OTOGL: variants seen among roughly 807,000 people sequenced by gnomAD.
OTOGL encodes otogelin-like protein.
In OTOGL, 285 loss-of-function variants were observed where a neutral mutation model predicts 318.5. The observed-to-expected ratio is 0.89, with a 90% CI of 0.81 to 0.99. The LOEUF (loss-of-function observed/expected upper bound fraction) is 0.99. Ranked by LOEUF, OTOGL falls within the 50% of genes least tolerant of loss-of-function variation. The probability of loss-of-function intolerance (pLI) is 0.00; values close to 1 mark genes in which losing one functional copy is unlikely to be tolerated. For synonymous variants in OTOGL, 987 were observed against 936.5 expected, an observed-to-expected ratio of 1.05 and a Z score of -0.99; for missense variants, 2,899 against 2,845.6, an observed-to-expected ratio of 1.02 and a Z score of -0.43.
intron 22 of OTOGL, among the ~76,000 whole-genome samples, chr12:80,268,639 C>A (rs924778235): frequency 6.6e-6 from 1 of 152,116 alleles, no homozygotes; most frequent in Non-Finnish European, 1.5e-5. Context: ...CTCCAGGAAT[C>A]ATTTTCGACT....
At chr12:80,109,046 C>T (rs1869673375) in intron 1 of OTOGL, among the ~76,000 whole-genome samples, 2 of 150,618 alleles carry the variant, frequency 1.3e-5, no homozygotes, top group East Asian at 1.9e-4. Flanking sequence ...CTTTCTGACT[C>T]GTCTCCAGTC....
At chr12:80,320,742 T>C (rs760473139) in intron 34 of OTOGL, 42 bp downstream of exon 34, 1 of 1,484,710 alleles carries the variant, frequency 6.7e-7, no homozygotes, top group South Asian at 1.4e-5. Flanking sequence ...AAATAGGTAA[T>C]TTATATTAGG....
intron 1 of OTOGL, among the ~76,000 whole-genome samples, chr12:80,163,057 A>C (rs10506822): frequency 0.079 from 11,979 of 152,184 alleles, 519 homozygotes; most frequent in Middle Eastern, 0.17. Context: ...GCCTGGATAC[A>C]TCATAATTAT....
At chr12:80,175,730 G>A (rs2137227784) in intron 1 of OTOGL, among the ~76,000 whole-genome samples, 1 of 152,266 alleles carries the variant, frequency 6.6e-6, no homozygotes, top group East Asian at 1.9e-4. Flanking sequence ...GGGGCCTGGT[G>A]ATGAAACCAG....
At chr12:80,227,288 C>T (rs889165174) in intron 7 of OTOGL, among the ~76,000 whole-genome samples, 5 of 152,002 alleles carry the variant, frequency 3.3e-5, no homozygotes, top group Non-Finnish European at 7.4e-5. Flanking sequence ...CTTTGAATTT[C>T]GTTTTCAGCA....
Position 80,217,679 on chromosome 12 carries a change from T to G in OTOGL, c.235+15T>G. 1 of 1,484,020 alleles carries G rather than the reference T, an allele frequency of 6.7e-7. No individual in the cohort carries two copies. The highest frequency in any genetic ancestry group is 1.7e-4 in the Middle Eastern group (1 of 5,848). 91.9% of individuals were successfully genotyped at this position (1,484,020 alleles called of 1,614,324 possible). On this transcript the variant is annotated intron_variant, in intron 5 of 58. Coordinates refer to ENST00000547103, the MANE Select transcript of OTOGL (RefSeq NM_001378609.3). ...CAAAATAAAAGGTCAGTGTTTATAC[T>G]TAGGTTTTCATATTTGCTTTCTCAG...
At chr12:80,128,928 T>G (rs1453413550) in intron 1 of OTOGL, among the ~76,000 whole-genome samples, 1 of 152,148 alleles carries the variant, frequency 6.6e-6, no homozygotes, top group Non-Finnish European at 1.5e-5. Flanking sequence ...ATTTTCCAGG[T>G]GCCATCTGTC....
intron 24 of OTOGL, among the ~76,000 whole-genome samples, chr12:80,272,816 G>A (rs894040948): frequency 2.6e-5 from 4 of 152,090 alleles, no homozygotes; most frequent in Admixed American, 1.3e-4. Context: ...AAGGACATAG[G>A]AGGCAGAGAC....
At chr12:80,366,511 T>TATATATATATATATATATATATATATATA (rs1555304842) in intron 52 of OTOGL, 63 bp from the exon 53 acceptor site, 1 of 171,304 alleles carries the variant, frequency 5.8e-6, no homozygotes, top group Non-Finnish European at 1.1e-5. Context: ...TATATATAGG[T>TATATATATATATATATATATATATATATA]TATATATATA....
chr12:80,243,792 A>G (rs117752809), intron 11 of OTOGL, among the ~76,000 whole-genome samples: 9,853 of 148,324 alleles, frequency 0.066, 451 homozygotes, highest in Middle Eastern at 0.11. Context: ...AACACATTTT[A>G]TATATAAAAT....
intron 4 of OTOGL, among the ~76,000 whole-genome samples, chr12:80,215,595 C>T (rs1057271707): frequency 1.3e-5 from 2 of 151,970 alleles, no homozygotes; most frequent in South Asian, 2.1e-4. Flanking sequence ...TGAACCTGAG[C>T]GGGTTGAATA....
chr12:80,162,345 G>A (rs1204153445), intron 1 of OTOGL, among the ~76,000 whole-genome samples: 1 of 152,142 alleles, frequency 6.6e-6, no homozygotes, highest in Non-Finnish European at 1.5e-5. Flanking sequence ...GGCAAATGCA[G>A]TTTTCAAATG....
At chr12:80,342,697 A>G in intron 44 of OTOGL, among the ~76,000 whole-genome samples, 1 of 152,206 alleles carries the variant, frequency 6.6e-6, no homozygotes, top group Non-Finnish European at 1.5e-5. Context: ...ACTATAATTT[A>G]GTGAGCATCT....
At chr12:80,290,515 G>A (rs1385689875) in intron 26 of OTOGL, among the ~76,000 whole-genome samples, 1 of 151,954 alleles carries the variant, frequency 6.6e-6, no homozygotes, top group Non-Finnish European at 1.5e-5. Flanking sequence ...TCAAATTTAA[G>A]TTACATTCAG....
chr12:80,190,661 C>T (rs1875615457), intron 1 of OTOGL, among the ~76,000 whole-genome samples: 1 of 151,940 alleles, frequency 6.6e-6, no homozygotes, highest in Admixed American at 6.6e-5. Flanking sequence ...GTGGTGGGCG[C>T]CTGTAATCCC....
At chr12:80,323,558 A>G (rs560856172) in intron 34 of OTOGL, among the ~76,000 whole-genome samples, 165 bp from the exon 35 acceptor site, 2 of 152,330 alleles carry the variant, frequency 1.3e-5, no homozygotes, top group East Asian at 3.9e-4. Context: ...CTGAGGCACG[A>G]CAGTCACTTG....
chr12:80,224,345 G>A (rs1878628620), intron 7 of OTOGL, among the ~76,000 whole-genome samples: 1 of 152,254 alleles, frequency 6.6e-6, no homozygotes, highest in East Asian at 1.9e-4. Flanking sequence ...TTGAAGTCGG[G>A]TAATGTAATG....
intron 1 of OTOGL, among the ~76,000 whole-genome samples, chr12:80,112,814 A>C (rs891044177): frequency 1.3e-5 from 2 of 150,246 alleles, no homozygotes; most frequent in African/African-American, 4.9e-5. Context: ...TGTTTGGAAT[A>C]GTTTCAGAAG....
chr12:80,350,512 A>C (rs149681502), intron 44 of OTOGL, among the ~76,000 whole-genome samples: 1 of 152,158 alleles, frequency 6.6e-6, no homozygotes, highest in East Asian at 1.9e-4. Flanking sequence ...ACTAATTTAC[A>C]TTCCACCAAC....
Sources: allele counts gnomAD v4.1 joint callset (sites outside exome capture counted in the v4.1 genomes callset), GRCh38; gene constraint gnomAD v4.1.1; transcripts MANE v1.5; gene names NCBI Gene and HGNC (gene_info 2026-07-23, HGNC 2026-07-21).